Variants in NUP98 observed in about 807,000 individuals in gnomAD.
The protein encoded by NUP98 is nuclear pore complex protein Nup98-Nup96.
NUP98 carries 26 observed loss-of-function variants against 191.9 expected under a neutral mutation model. The ratio of observed to expected loss-of-function variants is 0.14; its 90% CI spans 0.10 to 0.19. The LOEUF is 0.19. Among genes scored for constraint, NUP98 ranks in the 10% least tolerant of loss-of-function variants. The pLI is 1.00. For synonymous variants in NUP98, 808 were observed against 778.4 expected, an observed-to-expected ratio of 1.04 and a Z score of -0.63; for missense variants, 1,941 against 2,178.8, an observed-to-expected ratio of 0.89 and a Z score of 2.17.
intron 11 of NUP98, among the ~76,000 whole-genome samples, chr11:3,749,169 G>A (rs577195139): frequency 2.6e-4 from 40 of 151,406 alleles, no homozygotes; most frequent in African/African-American, 8.5e-4. Flanking sequence ...TTAGCCGGGC[G>A]CGGTGGCGGG....
intron 28 of NUP98, among the ~76,000 whole-genome samples, chr11:3,689,537 A>C (rs1203714700): frequency 6.6e-6 from 1 of 152,174 alleles, no homozygotes; most frequent in Non-Finnish European, 1.5e-5. Flanking sequence ...TCAAAAAAAA[A>C]ACCAAAAAAC....
At chr11:3,758,281 A>G (rs992814801) in intron 10 of NUP98, among the ~76,000 whole-genome samples, 1 of 151,670 alleles carries the variant, frequency 6.6e-6, no homozygotes, top group South Asian at 2.1e-4. Flanking sequence ...ATATCTGGCC[A>G]CTGCACTCCC....
chr11:3,731,804 T>G (rs899755524), intron 13 of NUP98, among the ~76,000 whole-genome samples: 1 of 152,216 alleles, frequency 6.6e-6, no homozygotes, highest in African/African-American at 2.4e-5. Flanking sequence ...GATTTTTTTG[T>G]ATTTTGAAAT....
intron 22 of NUP98, among the ~76,000 whole-genome samples, chr11:3,703,711 T>C (rs1247798390): frequency 6.6e-6 from 1 of 152,010 alleles, no homozygotes; most frequent in Non-Finnish European, 1.5e-5. Flanking sequence ...AAAAGTAAGA[T>C]CAAAACTCAA....
intron 1 of NUP98, among the ~76,000 whole-genome samples, chr11:3,787,186 C>T (rs1360597773): frequency 6.6e-6 from 1 of 152,130 alleles, no homozygotes; most frequent in African/African-American, 2.4e-5. Context: ...CCTAGTGTAA[C>T]CTAATAACAT....
At chr11:3,703,746 C>T (rs1037299083) in intron 22 of NUP98, among the ~76,000 whole-genome samples, 4 of 152,122 alleles carry the variant, frequency 2.6e-5, no homozygotes, top group Admixed American at 2.6e-4. Flanking sequence ...CTAAACAATG[C>T]TACAGTCAAC....
chr11:3,681,297 T>C (rs2077976538), intron 30 of NUP98, among the ~76,000 whole-genome samples: 2 of 152,100 alleles, frequency 1.3e-5, no homozygotes, highest in Non-Finnish European at 2.9e-5. Context: ...CGCTTTGGCC[T>C]CCCAAAGTAC....
At chr11:3,729,741 A>AG (rs2079770012) in intron 14 of NUP98, among the ~76,000 whole-genome samples, 1 of 139,836 alleles carries the variant, frequency 7.2e-6, no homozygotes, top group Non-Finnish European at 1.6e-5. Context: ...AAAAAAAAAA[A>AG]GGATGACGTT....
chr11:3,763,878 A>T (rs1279646654), intron 8 of NUP98, among the ~76,000 whole-genome samples: 2 of 152,220 alleles, frequency 1.3e-5, no homozygotes, highest in Non-Finnish European at 2.9e-5. Flanking sequence ...ACTCATTTCC[A>T]ATGAGCAGTC....
intron 14 of NUP98, among the ~76,000 whole-genome samples, chr11:3,727,729 T>C (rs186790399): frequency 6.6e-6 from 1 of 151,920 alleles, no homozygotes; most frequent in East Asian, 1.9e-4. Flanking sequence ...CTACAGAAAA[T>C]TTTTTAAATA....
intron 14 of NUP98, among the ~76,000 whole-genome samples, chr11:3,726,507 T>G (rs888325209): frequency 1.3e-5 from 2 of 148,516 alleles, no homozygotes; most frequent in Non-Finnish European, 3.0e-5. Flanking sequence ...TAGGTGTCCC[T>G]ATAGACGCCA....
At chr11:3,789,632 T>A (rs1488271950) in intron 1 of NUP98, among the ~76,000 whole-genome samples, 2 of 151,442 alleles carry the variant, frequency 1.3e-5, no homozygotes, top group Non-Finnish European at 2.9e-5. Context: ...CCTCCCACTT[T>A]AGCCTCCCAA....
intron 10 of NUP98, among the ~76,000 whole-genome samples, chr11:3,757,903 T>C (rs1255553219): frequency 6.6e-6 from 1 of 152,300 alleles, no homozygotes; most frequent in East Asian, 1.9e-4. Flanking sequence ...GGAAATTGGT[T>C]CTTGAGGGAC....
At position 3,691,485 on chromosome 11, in the gene NUP98, G is replaced by A. The variant is rs1406451173; in HGVS notation, c.4316C>T (p.Thr1439Ile). 1 of 1,613,810 alleles carries A rather than the reference G, an allele frequency of 6.2e-7. No individual in the cohort carries two copies. Among genetic ancestry groups the A allele is most frequent in the African/African-American group, 1.3e-5 (1 of 74,902 alleles). ...GCAGGCATATCTGTCACTGTCAGAGGTATTCTGAAGGAATAATTTGATAAA... is the reference window on the plus strand; with the variant it reads ...GCAGGCATATCTGTCACTGTCAGAGATATTCTGAAGGAATAATTTGATAAA... ...LSMYEEAFQNTSDSDRYACSP... is the reference protein window; with the variant it reads ...LSMYEEAFQNISDSDRYACSP... Residue 1439 changes from threonine to isoleucine, a missense_variant, in exon 28 of 33, where the codon ACC becomes ATC. Thr to Ile is a moderately conservative substitution (Grantham distance 89). Around this residue, in one of 6 missense-constraint regions of NUP98, gnomAD observed 1,030 missense variants for 1,115.8 expected, o/e 0.92. Transcript: ENST00000324932.
chr11:3,783,591 T>C (rs1400961760), intron 1 of NUP98, among the ~76,000 whole-genome samples: 1 of 152,042 alleles, frequency 6.6e-6, no homozygotes, highest in Non-Finnish European at 1.5e-5. Context: ...CTCAGCTATT[T>C]GGGAGGCTGA....
At chr11:3,729,209 A>G (rs546002070) in intron 14 of NUP98, among the ~76,000 whole-genome samples, 2 of 152,278 alleles carry the variant, frequency 1.3e-5, no homozygotes, top group Admixed American at 1.3e-4. Flanking sequence ...CACTTTGGAA[A>G]TAAGCATAGA....
intron 14 of NUP98, among the ~76,000 whole-genome samples, chr11:3,728,158 CAAAT>C (rs1451636326): frequency 6.6e-6 from 1 of 152,086 alleles, no homozygotes; most frequent in East Asian, 1.9e-4. Context: ...GGCAAAGGCC[CAAAT>C]AAATAGCATG....
intron 14 of NUP98, among the ~76,000 whole-genome samples, chr11:3,730,417 T>C (rs1320243095): frequency 1.3e-5 from 2 of 151,188 alleles, no homozygotes; most frequent in Non-Finnish European, 2.9e-5. Context: ...AGTACAGTGG[T>C]GGGATCCCAG....
chr11:3,770,320 G>A (rs1000490577), intron 7 of NUP98, among the ~76,000 whole-genome samples: 8 of 151,972 alleles, frequency 5.3e-5, no homozygotes, highest in East Asian at 1.9e-4. Context: ...GTGAGACTCC[G>A]TCTCAAAAAA....
Sources: allele counts gnomAD v4.1 joint callset (sites outside exome capture counted in the v4.1 genomes callset), GRCh38; gene constraint gnomAD v4.1.1; regional missense constraint gnomAD v4.1.1; transcripts MANE v1.5; gene names NCBI Gene and HGNC (gene_info 2026-07-23, HGNC 2026-07-21).